NKAIN3: variants seen among roughly 807,000 people sequenced by gnomAD.
NKAIN3 encodes sodium/potassium-transporting ATPase subunit beta-1-interacting protein 3.
A neutral mutation model predicts 30.2 loss-of-function variants in NKAIN3; 25 were observed. The ratio of observed to expected loss-of-function variants is 0.83; its 90% confidence interval spans 0.60 to 1.16. The LOEUF (loss-of-function observed/expected upper bound fraction) is 1.16, where lower values mean the gene tolerates loss of function less well. NKAIN3 is among the 50% of genes most tolerant of loss of function. NKAIN3 has a pLI of 0.00. For synonymous variants in NKAIN3, 91 were observed against 89.6 expected (o/e 1.02, Z -0.09); for missense variants, 225 against 254.1 (o/e 0.89, Z 0.78).
intron 4 of NKAIN3, among the ~76,000 whole-genome samples, chr8:62,809,159 C>G (rs1046368087): frequency 6.6e-6 from 1 of 152,198 alleles, no homozygotes; most frequent in African/African-American, 2.4e-5. Flanking sequence ...CCCTTGTTCC[C>G]TGAACATCGC....
At chr8:62,445,379 G>T (rs567715673) in intron 1 of NKAIN3, among the ~76,000 whole-genome samples, 14 of 151,472 alleles carry the variant, frequency 9.2e-5, no homozygotes, top group East Asian at 5.8e-4. Flanking sequence ...AATTTTCTTG[G>T]TTTTTTGCTG....
chr8:62,758,511 T>G (rs528677976), intron 4 of NKAIN3, among the ~76,000 whole-genome samples: 3 of 152,320 alleles, frequency 2.0e-5, no homozygotes, highest in South Asian at 4.1e-4. Context: ...AAAAATATTT[T>G]TATAATTAAA....
intron 1 of NKAIN3, among the ~76,000 whole-genome samples, chr8:62,569,165 G>A (rs1225733434): frequency 1.3e-5 from 2 of 152,128 alleles, no homozygotes; most frequent in Admixed American, 1.3e-4. Context: ...GTAGACACAT[G>A]GAAACTTCTC....
intron 1 of NKAIN3, among the ~76,000 whole-genome samples, chr8:62,555,001 G>A (rs936863421): frequency 1.5e-5 from 2 of 133,414 alleles, no homozygotes; most frequent in East Asian, 2.3e-4. Context: ...GTCACAAATG[G>A]CAGAATCTAT....
intron 3 of NKAIN3, among the ~76,000 whole-genome samples, chr8:62,712,253 A>G (rs1401929711): frequency 6.6e-6 from 1 of 152,110 alleles, no homozygotes; most frequent in African/African-American, 2.4e-5. Flanking sequence ...AATATCAGCT[A>G]TGGTAGTATG....
intron 4 of NKAIN3, among the ~76,000 whole-genome samples, chr8:62,803,465 C>T (rs1235396707): frequency 6.6e-6 from 1 of 152,148 alleles, no homozygotes; most frequent in Non-Finnish European, 1.5e-5. Flanking sequence ...GAAACTCACT[C>T]AAAACCGCTC....
intron 1 of NKAIN3, among the ~76,000 whole-genome samples, chr8:62,316,027 T>C (rs139735907): frequency 0.03 from 4,569 of 152,230 alleles, 225 homozygotes; most frequent in African/African-American, 0.1. Flanking sequence ...TGAGTTTTCA[T>C]GAGATCTGAT....
intron 1 of NKAIN3, among the ~76,000 whole-genome samples, chr8:62,547,426 A>AGGTTCTT (rs1371954083): frequency 6.6e-6 from 1 of 152,174 alleles, no homozygotes; most frequent in Non-Finnish European, 1.5e-5. Flanking sequence ...AGTAAAAATA[A>AGGTTCTT]GGTTCTTGCT....
chr8:62,736,043 T>C (rs1389873247), intron 3 of NKAIN3, among the ~76,000 whole-genome samples: 3 of 152,214 alleles, frequency 2.0e-5, no homozygotes, highest in Non-Finnish European at 4.4e-5. Context: ...CTGGTGGACG[T>C]AGCAAGGGAG....
intron 1 of NKAIN3, among the ~76,000 whole-genome samples, chr8:62,432,153 C>T (rs1037356270): frequency 2.0e-5 from 3 of 151,746 alleles, no homozygotes; most frequent in Admixed American, 1.3e-4. Flanking sequence ...TAAAAATGCA[C>T]AAAAAGGTCT....
At chr8:62,381,525 C>CAT (rs200707903) in intron 1 of NKAIN3, among the ~76,000 whole-genome samples, 5,067 of 151,938 alleles carry the variant, frequency 0.033, 317 homozygotes, top group African/African-American at 0.12. Flanking sequence ...CACACATATA[C>CAT]ATATATATAT....
At chr8:62,365,505 T>G (rs1399721282) in intron 1 of NKAIN3, among the ~76,000 whole-genome samples, 1 of 152,236 alleles carries the variant, frequency 6.6e-6, no homozygotes, top group Admixed American at 6.5e-5. Flanking sequence ...CTAGTTCATT[T>G]ACTTTAACTT....
chr8:62,276,960 T>C (rs1012929384), intron 1 of NKAIN3, among the ~76,000 whole-genome samples: 9 of 152,168 alleles, frequency 5.9e-5, no homozygotes, highest in African/African-American at 2.2e-4. Context: ...ACTTTTACCA[T>C]ATAAGATTCT....
chr8:62,713,412 G>T (rs1173135218), intron 3 of NKAIN3, among the ~76,000 whole-genome samples: 2 of 152,166 alleles, frequency 1.3e-5, no homozygotes, highest in African/African-American at 4.8e-5. Flanking sequence ...GAAATTAAAT[G>T]TCTCTTTCCT....
At chr8:62,325,819 C>CT (rs1160969593) in intron 1 of NKAIN3, among the ~76,000 whole-genome samples, 2 of 151,968 alleles carry the variant, frequency 1.3e-5, no homozygotes, top group South Asian at 2.1e-4. Context: ...GTTTGTATAT[C>CT]TTTTTTTGAG....
chr8:62,443,476 C>T (rs1037783702), intron 1 of NKAIN3, among the ~76,000 whole-genome samples: 16 of 152,128 alleles, frequency 1.1e-4, no homozygotes, highest in African/African-American at 3.4e-4. Flanking sequence ...GTCCACCTTC[C>T]GGATTCAAGA....
intron 4 of NKAIN3, among the ~76,000 whole-genome samples, chr8:62,837,349 A>G (rs745593992): frequency 3.2e-4 from 49 of 152,298 alleles, no homozygotes; most frequent in Middle Eastern, 3.4e-3. Flanking sequence ...CTGCTGAACC[A>G]TAGTTTGGAA....
intron 4 of NKAIN3, among the ~76,000 whole-genome samples, chr8:62,803,954 T>C (rs1385700854): frequency 6.6e-6 from 1 of 152,030 alleles, no homozygotes; most frequent in Non-Finnish European, 1.5e-5. Flanking sequence ...CCCACAGAAA[T>C]ACAAACTACC....
At chr8:62,674,558 C>T (rs1007819821) in intron 3 of NKAIN3, among the ~76,000 whole-genome samples, 1 of 152,180 alleles carries the variant, frequency 6.6e-6, no homozygotes, top group African/African-American at 2.4e-5. Context: ...GTTAGAAACA[C>T]TAAACGTAAT....
Sources: allele counts gnomAD v4.1 joint callset (sites outside exome capture counted in the v4.1 genomes callset), GRCh38; gene constraint gnomAD v4.1.1; transcripts MANE v1.5; gene names NCBI Gene and HGNC (gene_info 2026-07-23, HGNC 2026-07-21).